Variants in SYNE1 observed in about 807,000 individuals in gnomAD.
SYNE1 encodes nesprin-1.
A neutral mutation model predicts 1,111.0 loss-of-function variants in SYNE1; 616 were observed. The observed-to-expected ratio is 0.55, with a 90% CI of 0.52 to 0.59. The LOEUF (loss-of-function observed/expected upper bound fraction) is 0.59, where lower values mean the gene tolerates loss of function less well. Among genes scored for constraint, SYNE1 ranks in the 20% least tolerant of loss-of-function variants. SYNE1 has a pLI of 0.00. For synonymous variants in SYNE1, 3,855 were observed against 3,825.8 expected (o/e 1.01, Z -0.28); for missense variants, 10,006 against 10,417.0 (o/e 0.96, Z 1.72).
chr6:152,193,793 T>C (rs962277327), intron 127 of SYNE1, among the ~76,000 whole-genome samples: 9 of 151,926 alleles, frequency 5.9e-5, no homozygotes, highest in Non-Finnish European at 8.8e-5. Flanking sequence ...GGGCAGATCA[T>C]GAGGTTAGGA....
At chr6:152,197,608 C>T (rs1284355342) in intron 127 of SYNE1, among the ~76,000 whole-genome samples, 7 of 152,184 alleles carry the variant, frequency 4.6e-5, no homozygotes, top group Admixed American at 4.6e-4. Flanking sequence ...CATCAGATAT[C>T]TAGGGTGACT....
At chr6:152,575,459 T>C (rs1449992429) in intron 3 of SYNE1, among the ~76,000 whole-genome samples, 1 of 152,216 alleles carries the variant, frequency 6.6e-6, no homozygotes, top group Non-Finnish European at 1.5e-5. Flanking sequence ...CATGTCATTC[T>C]TATCCGAACT....
intron 3 of SYNE1, among the ~76,000 whole-genome samples, chr6:152,595,150 T>A (rs1364577911): frequency 6.6e-6 from 1 of 152,202 alleles, no homozygotes; most frequent in African/African-American, 2.4e-5. Context: ...GAGGACCAAG[T>A]GAACAATGAT....
intron 6 of SYNE1, among the ~76,000 whole-genome samples, chr6:152,512,487 C>T (rs1169083636): frequency 6.6e-6 from 1 of 152,112 alleles, no homozygotes; most frequent in East Asian, 1.9e-4. Context: ...TCCATTTTAG[C>T]ATACATACAC....
intron 112 of SYNE1, 132 bp downstream of exon 112, chr6:152,233,649 A>C: frequency 1.8e-6 from 2 of 1,131,360 alleles, no homozygotes; most frequent in Middle Eastern, 2.8e-4. Context: ...ATATTAATAC[A>C]ACGGGAGAGA....
intron 98 of SYNE1, among the ~76,000 whole-genome samples, chr6:152,276,394 C>T (rs995183120): frequency 3.9e-5 from 6 of 151,950 alleles, no homozygotes; most frequent in African/African-American, 1.5e-4. Context: ...AATGACCTAA[C>T]TTCATATTTT....
chr6:152,594,810 C>G (rs575148287), intron 3 of SYNE1, among the ~76,000 whole-genome samples: 2 of 152,254 alleles, frequency 1.3e-5, no homozygotes, highest in Admixed American at 1.3e-4. Context: ...CTTTCATCCT[C>G]ATGATTTTAA....
intron 14 of SYNE1, among the ~76,000 whole-genome samples, chr6:152,475,003 A>G (rs545979909): frequency 2.6e-5 from 4 of 152,326 alleles, no homozygotes; most frequent in African/African-American, 9.6e-5. Context: ...AATAATAATA[A>G]ATAAATGTGA....
chr6:152,329,615 A>T, intron 78 of SYNE1, 115 bp downstream of exon 78: 1 of 1,313,096 alleles, frequency 7.6e-7, no homozygotes, highest in Non-Finnish European at 1.1e-6. Flanking sequence ...GCTTCTGTGT[A>T]GTATTTCGAA....
intron 133 of SYNE1, 55 bp downstream of exon 133, chr6:152,154,837 C>T (rs895970090): frequency 3.0e-5 from 48 of 1,601,536 alleles, no homozygotes; most frequent in Middle Eastern, 1.7e-4. Flanking sequence ...CTCCAACTAC[C>T]AGCTGGCTAC....
rs951720494 is a variant in SYNE1, at chr6:152,293,444, C to G, written c.18012+144G>C. On this transcript the variant is annotated intron_variant, in intron 95 of 145. Transcript: ENST00000367255. ...TAGTAGAAATGACCACCATTAGGAC[C>G]CTTGTTTACTCTGGAAGAACTGATA... is the stretch of plus-strand genomic sequence containing the variant. 5.1e-6 allele frequency: 4 copies of G among 783,582 alleles called. No homozygotes were observed. In the African/African-American group the frequency reaches 6.8e-5, roughly 13 times the overall value. 48.5% of individuals were successfully genotyped at this position (783,582 alleles called of 1,614,324 possible).
At position 152,218,318 on chromosome 6, in the gene SYNE1, C is replaced by T. The variant is rs772754637; in HGVS notation, c.22130G>A (p.Gly7377Glu). 6.2e-7 allele frequency: 1 copy of T among 1,613,992 alleles called. No individual in the cohort carries two copies. The highest frequency in any genetic ancestry group is 8.5e-7 in the Non-Finnish European group (1 of 1,179,982). ...GTCAGATGAGTGGCTAGGGTCCTGCCCTTGTAGTATTTCTTCAGCTTCCAC... is the reference window on the plus strand; with the variant it reads ...GTCAGATGAGTGGCTAGGGTCCTGCTCTTGTAGTATTTCTTCAGCTTCCAC... ...WIVEAEEILQGQDPSHSSDLS... is the reference protein window; with the variant it reads ...WIVEAEEILQEQDPSHSSDLS... Residue 7377 changes from glycine to glutamate, a missense_variant, in exon 121 of 146, where the codon GGG becomes GAG. Around this residue, in one of 7 missense-constraint regions of SYNE1, gnomAD observed 2,182 missense variants for 2,287.8 expected, o/e 0.95. Coordinates refer to ENST00000367255, the MANE Select transcript of SYNE1 (RefSeq NM_182961.4).
intron 29 of SYNE1, 37 bp downstream of exon 29, chr6:152,447,421 C>G (rs1417137340): frequency 1.2e-6 from 2 of 1,612,696 alleles, no homozygotes; most frequent in East Asian, 4.5e-5. Flanking sequence ...ATGCCTCACT[C>G]AGAACTGTCT....
rs898451919 is a variant in SYNE1, at chr6:152,455,920, T to A, written c.2693A>T (p.Gln898Leu). The A allele has an allele frequency of 2.4e-5, 38 of 1,614,026 alleles. No homozygotes were observed. Among genetic ancestry groups the A allele is most frequent in the Non-Finnish European group, 2.8e-5 (33 of 1,180,004 alleles). Residue 898 changes from glutamine to leucine, a missense_variant, in exon 23 of 146, where the codon CAA becomes CTA. Transcript: ENST00000367255. ...VLKHFDQTRL[Q>L]RQIADIHVAF... ...AACATGAATATCTGCAATCTGTCTT[T>A]GTAGCCTCGTCTGATCAAAATGCTT...
intron 4 of SYNE1, among the ~76,000 whole-genome samples, chr6:152,531,045 A>T (rs953452349): frequency 2.6e-5 from 4 of 151,962 alleles, no homozygotes; most frequent in Non-Finnish European, 5.9e-5. Flanking sequence ...AGGTTATCAG[A>T]TCAACTGCCT....
chr6:152,586,255 C>A (rs887053197), intron 3 of SYNE1, among the ~76,000 whole-genome samples: 11 of 152,004 alleles, frequency 7.2e-5, no homozygotes, highest in African/African-American at 4.8e-5. Flanking sequence ...AAAAGTCTTG[C>A]TCAAGAGTGC....
At chr6:152,258,278 TTTAGGAA>T (rs1374884167) in intron 101 of SYNE1, among the ~76,000 whole-genome samples, 3 of 152,174 alleles carry the variant, frequency 2.0e-5, no homozygotes, top group Non-Finnish European at 4.4e-5. Context: ...AAATTAAAAA[TTTAGGAA>T]TTAAAAAGAT....
At chr6:152,143,997 G>A (rs567988274) in intron 137 of SYNE1, 3 of 557,296 alleles carry the variant, frequency 5.4e-6, no homozygotes, top group African/African-American at 3.8e-5. Context: ...GTCGCAAAAC[G>A]GCTCTCCAGT....
intron 3 of SYNE1, among the ~76,000 whole-genome samples, chr6:152,588,834 C>G (rs2099548746): frequency 6.6e-6 from 1 of 152,146 alleles, no homozygotes; most frequent in Non-Finnish European, 1.5e-5. Flanking sequence ...CAGGTGGGTC[C>G]CTGGGAGGGC....
Sources: gnomAD v4.1 joint callset for allele counts (sites outside exome capture counted in the v4.1 genomes callset) on GRCh38, gnomAD v4.1.1 for gene constraint, gnomAD v4.1.1 regional missense constraint, MANE v1.5 for transcripts, NCBI Gene and HGNC (gene_info 2026-07-23, HGNC 2026-07-21) for gene names.